COL6A1: variants seen among roughly 807,000 people sequenced by gnomAD.
COL6A1 encodes collagen alpha-1(VI) chain.
COL6A1 carries 80 observed loss-of-function variants against 145.6 expected under a neutral mutation model. The ratio of observed to expected loss-of-function variants is 0.55; its 90% CI spans 0.46 to 0.66. The LOEUF is 0.66. COL6A1 is among the 30% of genes least tolerant of loss of function. The pLI is 0.00. For synonymous variants in COL6A1, 638 were observed against 622.8 expected (o/e 1.02, Z -0.36); for missense variants, 1,364 against 1,473.8 (o/e 0.93, Z 1.22).
In COL6A1 at chr21:45,981,841, G is replaced by T. The variant is rs1300109797; in HGVS notation, c.-10G>T. The stretch of plus-strand genomic sequence containing the variant: ...CTGGCCGCGCTGTGTGGTGACCGCA[G>T]GCCCCAGACATGAGGGCGGCCCGTG... On this transcript the variant is annotated 5_prime_UTR_variant, in exon 1 of 35. The change creates a new upstream start codon in the 5' untranslated region. Transcript: ENST00000361866. 3 of 1,574,068 alleles carry T rather than the reference G, an allele frequency of 1.9e-6. No individual in the cohort carries two copies. Among genetic ancestry groups the T allele is most frequent in the Middle Eastern group, 2.2e-4 (1 of 4,642 alleles).
At chr21:45,982,064 T>G in intron 1 of COL6A1, 117 bp downstream of exon 1, 2 of 850,618 alleles carry the variant, frequency 2.4e-6, no homozygotes, top group Non-Finnish European at 3.8e-6. Flanking sequence ...CTGGAGCCCC[T>G]GAACCCCACT....
chr21:46,000,888 ACCTGCCCGCCCCCTCTGGGG>A, intron 29 of COL6A1, 121 bp downstream of exon 29: 1 of 1,276,542 alleles, frequency 7.8e-7, no homozygotes, highest in South Asian at 1.2e-5. Flanking sequence ...AGCTCCCTGC[ACCTGCCCGCCCCCTCTGGGG>A]CCTGCTCCAA....
Position 45,991,046 on chromosome 21 carries a change from G to A in COL6A1, c.1119+5G>A, listed in dbSNP as rs2077774193. 1 of 1,613,010 alleles carries A rather than the reference G, an allele frequency of 6.2e-7. No homozygotes were observed. The highest frequency in any genetic ancestry group is 1.7e-5 in the Admixed American group (1 of 59,978). On this transcript the variant is annotated splice_donor_5th_base_variant and intron_variant, in intron 15 of 34. Transcript: ENST00000361866. ...TTTGGACTGAAAGGAGAAAAGGTGA[G>A]TGACTTGCGGCCCCTGGAGGACCAG...
At chr21:45,991,645 C>G (rs2123474253) in intron 15 of COL6A1, among the ~76,000 whole-genome samples, 1 of 152,274 alleles carries the variant, frequency 6.6e-6, no homozygotes, top group East Asian at 1.9e-4. Flanking sequence ...AGACGAGCTC[C>G]TAGAACCCAG....
Position 46,000,452 on chromosome 21 carries a change from T to G in COL6A1, c.1813+85T>G. On this transcript the variant is annotated intron_variant, in intron 28 of 34. Transcript: ENST00000361866. Reference sequence around the variant, plus strand: ...TCCACTCCTAGAAGGGTGTCTCCACTGTTGGGGGCCTGGGTCTCTGGGTAC... The same window carrying G: ...TCCACTCCTAGAAGGGTGTCTCCACGGTTGGGGGCCTGGGTCTCTGGGTAC... 8.7e-6 allele frequency: 13 copies of G among 1,497,378 alleles called. No homozygotes were observed. The South Asian group carries it at 1.5e-4, about 17-fold the overall frequency. 92.8% of individuals were successfully genotyped at this position (1,497,378 alleles called of 1,614,324 possible).
intron 2 of COL6A1, among the ~76,000 whole-genome samples, chr21:45,983,459 A>G (rs1363221137): frequency 3.3e-5 from 5 of 151,984 alleles, no homozygotes; most frequent in African/African-American, 1.2e-4. Context: ...GACACAGCTT[A>G]GCCGGCGTAG....
At chr21:45,986,243 G>C (rs1004103779) in intron 3 of COL6A1, among the ~76,000 whole-genome samples, 3 of 152,222 alleles carry the variant, frequency 2.0e-5, no homozygotes, top group Non-Finnish European at 2.9e-5. Flanking sequence ...CTGGTCAGGG[G>C]CTTTGCGCCC....
rs775611793 is a variant in COL6A1 at position 45,994,255 on chromosome 21, G to T, written c.1398+26G>T. On this transcript the variant is annotated intron_variant, in intron 20 of 34. Coordinates refer to ENST00000361866, the MANE Select transcript of COL6A1 (RefSeq NM_001848.3). The surrounding 1 kb of genome is among the most constrained non-coding windows in gnomAD (Gnocchi z 6.8). ...GTAGGAAGCGCTGTGGGGTTGGGGG[G>T]CGTTGGCCAATTTGGGTTTTGGGGG... is the stretch of plus-strand genomic sequence containing the variant. The T allele has an allele frequency of 8.1e-6, 13 of 1,601,366 alleles. No individual in the cohort carries two copies. The highest frequency in any genetic ancestry group is 1.1e-5 in the Non-Finnish European group (13 of 1,174,392).
chr21:46,000,910 C>G, intron 29 of COL6A1, 143 bp downstream of exon 29: 2 of 1,068,454 alleles, frequency 1.9e-6, no homozygotes, highest in African/African-American at 1.6e-5. Flanking sequence ...CCTCTGGGGC[C>G]TGCTCCAAGC....
chr21:45,987,766 G>GGGGGTCCAGATGGAGGGGACGTC, intron 8 of COL6A1, 112 bp downstream of exon 8: 1 of 1,059,870 alleles, frequency 9.4e-7, no homozygotes, highest in Non-Finnish European at 1.3e-6. Context: ...AGGGGACGGC[G>GGGGGTCCAGATGGAGGGGACGTC]GGGGTCCAGA....
intron 24 of COL6A1, among the ~76,000 whole-genome samples, 165 bp downstream of exon 24, chr21:45,998,598 A>G (rs2077820251): frequency 6.6e-6 from 1 of 152,150 alleles, no homozygotes; most frequent in South Asian, 2.1e-4. Flanking sequence ...CCCAGTTGGC[A>G]TCGGCTCCTG....
At chr21:45,998,244 A>C (rs2077818117) in intron 23 of COL6A1, 73 bp downstream of exon 23, 21 of 1,587,022 alleles carry the variant, frequency 1.3e-5, no homozygotes, top group Admixed American at 1.7e-5. Context: ...TGGACTGGGC[A>C]CTCTTGGGTG....
rs941806554 is a variant in COL6A1, at chr21:45,986,535, C to T, written c.438C>T (p.His146=). Reference sequence around the variant, plus strand: ...GCCCTCTCCTGTCCAGGGGCTCCCACCTGAAGGAGAATAAGTACCTGATTG... The same window carrying T: ...GCCCTCTCCTGTCCAGGGGCTCCCATCTGAAGGAGAATAAGTACCTGATTG... ...GLEQLLVGGS[H]LKENKYLIVV... Residue 146 remains histidine (H), a synonymous_variant, in exon 4 of 35, where the codon CAC becomes CAT. Transcript: ENST00000361866. 1.3e-6 allele frequency: 2 copies of T among 1,560,638 alleles called. No homozygotes were observed. The highest frequency in any genetic ancestry group is 1.4e-5 in the African/African-American group (1 of 73,516).
intron 20 of COL6A1, among the ~76,000 whole-genome samples, chr21:45,996,957 C>A (rs1011425584): frequency 3.9e-5 from 6 of 152,156 alleles, no homozygotes; most frequent in African/African-American, 1.4e-4. Context: ...CCAGGCCAGG[C>A]CCAAAGGGGA....
In COL6A1 at chr21:46,004,474, G is replaced by A. The variant is rs532967078; in HGVS notation, c.*461G>A. ...AAGACGCCCTCTCGGGGCCTGTGCCGCACTAGCCTCCCTCTCCTCTGTCCC... is the reference window on the plus strand; with the variant it reads ...AAGACGCCCTCTCGGGGCCTGTGCCACACTAGCCTCCCTCTCCTCTGTCCC... On this transcript the variant is annotated 3_prime_UTR_variant, in exon 35 of 35. Transcript: ENST00000361866. 38 of 313,718 alleles carry A rather than the reference G, an allele frequency of 1.2e-4. No homozygotes were observed. Among genetic ancestry groups the A allele is most frequent in the African/African-American group, 7.2e-4 (33 of 45,546 alleles). The allele number at this position is 313,718 out of a possible 1,614,324, so 19.4% of individuals were successfully genotyped here. A position where few individuals can be genotyped will look rare whatever the true frequency, so the allele number is the denominator to read the frequency against.
At chr21:45,982,559 C>G in intron 1 of COL6A1, 75 bp from the exon 2 acceptor site, 1 of 1,605,356 alleles carries the variant, frequency 6.2e-7, no homozygotes, top group Non-Finnish European at 8.5e-7. Context: ...CTGGGCTGGC[C>G]GGGAGGGCAG....
chr21:45,998,962 A>T lies in COL6A1; in HGVS notation c.1674+3A>T. 6.4e-7 allele frequency: 1 copy of T among 1,552,980 alleles called. No individual in the cohort carries two copies. Among genetic ancestry groups the T allele is most frequent in the Non-Finnish European group, 8.7e-7 (1 of 1,147,830 alleles). ...AAGCCGGGGACCCCGGAGACGATGT[A>T]AGTGTGGATGGGAGGCAGGGCCAGC... On this transcript the variant is annotated splice_donor_region_variant and intron_variant, in intron 25 of 34. Transcript: ENST00000361866.
intron 29 of COL6A1, 193 bp downstream of exon 29, chr21:46,000,960 T>C: frequency 1.3e-6 from 1 of 757,114 alleles, no homozygotes; most frequent in African/African-American, 1.7e-5. Flanking sequence ...CCCGCCCTCT[T>C]TCACCCATAA....
intron 8 of COL6A1, among the ~76,000 whole-genome samples, chr21:45,988,307 G>GC (rs1165103019): frequency 3.5e-4 from 7 of 20,190 alleles, no homozygotes; most frequent in East Asian, 1.6e-3. Context: ...GGACGGCGGG[G>GC]TCCAGATGGA....
Sources: allele counts gnomAD v4.1 joint callset (sites outside exome capture counted in the v4.1 genomes callset), GRCh38; gene constraint gnomAD v4.1.1; non-coding constraint Gnocchi (gnomAD v3.1); transcripts MANE v1.5; gene names NCBI Gene and HGNC (gene_info 2026-07-23, HGNC 2026-07-21).